Variants in CTNNA3 observed in about 807,000 individuals in gnomAD.
CTNNA3 encodes catenin alpha-3.
In CTNNA3, 76 loss-of-function variants were observed where a neutral mutation model predicts 95.7. The ratio of observed to expected loss-of-function variants is 0.79; its 90% CI spans 0.66 to 0.96. CTNNA3 has a LOEUF of 0.96. CTNNA3 is among the 40% of genes least tolerant of loss of function. CTNNA3 has a pLI of 0.00. For missense variants in CTNNA3, 1,191 were observed against 1,089.8 expected (o/e 1.09, Z -1.31); for synonymous variants, 431 against 374.4 (o/e 1.15, Z -1.74).
intron 11 of CTNNA3, among the ~76,000 whole-genome samples, chr10:66,499,179 G>A (rs919877624): frequency 1.3e-5 from 2 of 151,958 alleles, no homozygotes; most frequent in African/African-American, 4.8e-5. Flanking sequence ...CTAACTTCTG[G>A]TGGGAGAGGA....
intron 13 of CTNNA3, among the ~76,000 whole-genome samples, chr10:66,163,168 C>T (rs2084938009): frequency 6.6e-6 from 1 of 152,114 alleles, no homozygotes. Flanking sequence ...CTTGGTTATT[C>T]CCCCTCCTGT....
intron 10 of CTNNA3, among the ~76,000 whole-genome samples, chr10:66,608,008 T>C (rs1442572450): frequency 2.6e-5 from 4 of 152,102 alleles, no homozygotes; most frequent in Non-Finnish European, 4.4e-5. Context: ...AAAGTTAAGT[T>C]ATTCCTGTTT....
intron 9 of CTNNA3, among the ~76,000 whole-genome samples, chr10:66,642,403 G>A (rs1364806854): frequency 1.3e-5 from 2 of 151,856 alleles, no homozygotes; most frequent in African/African-American, 4.8e-5. Flanking sequence ...CAGCAGGTCA[G>A]GTAGAAAATT....
At chr10:66,423,581 G>A (rs1030503234) in intron 11 of CTNNA3, among the ~76,000 whole-genome samples, 1 of 152,080 alleles carries the variant, frequency 6.6e-6, no homozygotes, top group Admixed American at 6.5e-5. Context: ...TCCCAAACCA[G>A]AGACATGCCA....
At chr10:66,714,165 A>G (rs1197073451) in intron 9 of CTNNA3, among the ~76,000 whole-genome samples, 1 of 152,150 alleles carries the variant, frequency 6.6e-6, no homozygotes, top group Non-Finnish European at 1.5e-5. Context: ...TATTAACTAT[A>G]TTTACCTCAA....
chr10:66,685,293 A>ATG (rs1247137356), intron 9 of CTNNA3, among the ~76,000 whole-genome samples: 3 of 70,106 alleles, frequency 4.3e-5, no homozygotes, highest in East Asian at 3.2e-4. Flanking sequence ...AAGTATATAT[A>ATG]TGTGTGTATA....
In CTNNA3 at chr10:66,179,428, T is replaced by C. The variant is rs1428748182; in HGVS notation, c.1885-76179A>G. 2.6e-5 allele frequency among the ~76,000 whole-genome samples: 4 copies of C among 152,210 alleles called. No homozygotes were observed. The East Asian group carries it at 7.7e-4, about 29-fold the overall frequency. ...AAAGGGTCAATAGGAGCAATCTTTA[T>C]GGTGATGAAAATCGCCTGTATCTTA... On this transcript the variant is annotated intron_variant, in intron 13 of 17. Coordinates refer to ENST00000433211, the MANE Select transcript of CTNNA3 (RefSeq NM_013266.4).
chr10:66,504,918 T>A (rs2131974643), intron 11 of CTNNA3, among the ~76,000 whole-genome samples: 1 of 152,312 alleles, frequency 6.6e-6, no homozygotes. Flanking sequence ...CCTTTGTCAG[T>A]ACATAGCACA....
At chr10:66,810,057 G>A (rs897334243) in intron 7 of CTNNA3, among the ~76,000 whole-genome samples, 4 of 151,932 alleles carry the variant, frequency 2.6e-5, no homozygotes, top group Non-Finnish European at 4.4e-5. Context: ...CACCTGCCTC[G>A]GCCTCTCAAA....
chr10:66,468,728 C>T (rs1392381782), intron 11 of CTNNA3, among the ~76,000 whole-genome samples: 1 of 151,746 alleles, frequency 6.6e-6, no homozygotes, highest in Non-Finnish European at 1.5e-5. Flanking sequence ...ATGTTATATA[C>T]TGTAAATATA....
At chr10:67,128,407 T>C (rs936909931) in intron 7 of CTNNA3, among the ~76,000 whole-genome samples, 1 of 152,048 alleles carries the variant, frequency 6.6e-6, no homozygotes, top group African/African-American at 2.4e-5. Flanking sequence ...ATCTCTCAAC[T>C]GGGAAACAAT....
chr10:67,496,686 A>C (rs888898187), intron 5 of CTNNA3, among the ~76,000 whole-genome samples: 1 of 152,238 alleles, frequency 6.6e-6, no homozygotes, highest in South Asian at 2.1e-4. Flanking sequence ...ACATTAAATA[A>C]TGAAATAAAT....
chr10:67,321,771 T>C (rs1841327578), intron 5 of CTNNA3, among the ~76,000 whole-genome samples: 1 of 152,172 alleles, frequency 6.6e-6, no homozygotes, highest in Non-Finnish European at 1.5e-5. Flanking sequence ...TTGATTTCTG[T>C]TTTTGGATGT....
intron 1 of CTNNA3, among the ~76,000 whole-genome samples, chr10:67,738,696 A>C (rs1436040580): frequency 7.2e-5 from 11 of 152,116 alleles, no homozygotes; most frequent in Admixed American, 5.9e-4. Context: ...TTGAAAAAAA[A>C]AAAATTAGAC....
chr10:65,932,866 T>A (rs779528027), intron 17 of CTNNA3, among the ~76,000 whole-genome samples: 6 of 152,110 alleles, frequency 3.9e-5, no homozygotes, highest in Non-Finnish European at 5.9e-5. Context: ...GCTTCTCTTG[T>A]CCTCCAGAAA....
intron 9 of CTNNA3, among the ~76,000 whole-genome samples, chr10:66,664,670 T>C (rs1243011876): frequency 1.3e-5 from 2 of 151,690 alleles, no homozygotes; most frequent in Non-Finnish European, 2.9e-5. Context: ...CTCTTCCTGG[T>C]AGGGAGCAGA....
intron 5 of CTNNA3, among the ~76,000 whole-genome samples, chr10:67,234,940 G>A (rs932364107): frequency 2.7e-5 from 4 of 146,416 alleles, no homozygotes; most frequent in Non-Finnish European, 6.0e-5. Context: ...AAAATACCTA[G>A]GAATCCAACT....
intron 15 of CTNNA3, among the ~76,000 whole-genome samples, chr10:66,066,356 C>G (rs1385721393): frequency 6.6e-6 from 1 of 152,074 alleles, no homozygotes; most frequent in Non-Finnish European, 1.5e-5. Context: ...TGTTCCTATA[C>G]AGGCATATAC....
chr10:66,773,916 A>G (rs2132816438), intron 8 of CTNNA3, among the ~76,000 whole-genome samples: 1 of 152,322 alleles, frequency 6.6e-6, no homozygotes, highest in South Asian at 2.1e-4. Flanking sequence ...TTTCAGATGA[A>G]CAACTTTTTA....
Sources: gnomAD v4.1 joint callset for allele counts (sites outside exome capture counted in the v4.1 genomes callset) on GRCh38, gnomAD v4.1.1 for gene constraint, MANE v1.5 for transcripts, NCBI Gene and HGNC (gene_info 2026-07-23, HGNC 2026-07-21) for gene names.